The following NRDC variants were observed in gnomAD, a reference collection of about 807,000 sequenced individuals.
NRDC encodes the protein nardilysin.
Under a neutral mutation model 147.1 loss-of-function variants are expected in NRDC, and 54 were observed. That is an observed-to-expected ratio of 0.37 (90% CI 0.29 to 0.46). NRDC has a LOEUF of 0.46. NRDC is among the 20% of genes least tolerant of loss of function. The pLI is 1.00. For missense variants in NRDC, 1,082 were observed against 1,370.6 expected, an observed-to-expected ratio of 0.79 and a Z score of 3.33; for synonymous variants, 440 against 482.1, an observed-to-expected ratio of 0.91 and a Z score of 1.14.
At chr1:51,860,068 C>A in intron 1 of NRDC, 1 of 186,236 alleles carries the variant, frequency 5.4e-6, no homozygotes, top group South Asian at 1.1e-4. Flanking sequence ...ATAGTGGTGT[C>A]CAATTATATT....
intron 1 of NRDC, among the ~76,000 whole-genome samples, chr1:51,849,682 G>GGT (rs1353155409): frequency 7.5e-4 from 113 of 151,028 alleles, no homozygotes; most frequent in African/African-American, 2.7e-3. Context: ...CGGGCATGGT[G>GGT]GCTGGCACCT....
chr1:51,833,946 A>G, intron 4 of NRDC, 71 bp downstream of exon 4: 1 of 1,353,328 alleles, frequency 7.4e-7, no homozygotes. Context: ...TCTACTGTAC[A>G]AGAACACTCT....
chr1:51,809,225 T>C, intron 17 of NRDC, 90 bp downstream of exon 17: 1 of 844,952 alleles, frequency 1.2e-6, no homozygotes, highest in Non-Finnish European at 2.0e-6. Context: ...CAAATATAAA[T>C]TCCTACGATA....
intron 1 of NRDC, among the ~76,000 whole-genome samples, chr1:51,842,195 A>T (rs1681300468): frequency 6.6e-6 from 1 of 151,972 alleles, no homozygotes; most frequent in African/African-American, 2.4e-5. Flanking sequence ...TAAATAATAA[A>T]AAATAATCAC....
At chr1:51,877,146 C>CACTGCACTCCAG (rs1557946117) in intron 1 of NRDC, among the ~76,000 whole-genome samples, 1 of 151,488 alleles carries the variant, frequency 6.6e-6, no homozygotes, top group Non-Finnish European at 1.5e-5. Flanking sequence ...CAAGATCGCG[C>CACTGCACTCCAG]CACTGCACTC....
At chr1:51,815,174 C>G (rs1342384816) in intron 11 of NRDC, among the ~76,000 whole-genome samples, 3 of 141,666 alleles carry the variant, frequency 2.1e-5, no homozygotes, top group African/African-American at 8.0e-5. Flanking sequence ...TTTTGCTTAC[C>G]TTTTTTTCTT....
intron 7 of NRDC, among the ~76,000 whole-genome samples, chr1:51,822,053 A>G (rs1434790904): frequency 6.6e-6 from 1 of 151,946 alleles, no homozygotes; most frequent in Non-Finnish European, 1.5e-5. Context: ...ATATATATAT[A>G]TATCATACAT....
intron 27 of NRDC, 31 bp downstream of exon 27, chr1:51,791,547 G>T: frequency 1.3e-6 from 2 of 1,537,592 alleles, no homozygotes; most frequent in African/African-American, 1.4e-5. Flanking sequence ...TCCATAATAG[G>T]TTACACTCAT....
intron 1 of NRDC, among the ~76,000 whole-genome samples, chr1:51,874,222 A>G (rs1683220348): frequency 6.6e-6 from 1 of 151,510 alleles, no homozygotes; most frequent in Non-Finnish European, 1.5e-5. Context: ...TCTTTTTACG[A>G]GCAGGTTAAA....
rs529660087 is a variant in NRDC at position 51,841,597 on chromosome 1, G to A, written c.342-1083C>T. Among the ~76,000 whole-genome samples, 12 of 152,272 alleles carry A rather than the reference G, an allele frequency of 7.9e-5. No homozygotes were observed. In the South Asian group the frequency reaches 1.2e-3, roughly 16 times the overall value. ...GCTGGGACTACAGGCATAAGCCATC[G>A]CATTCAGCCCCATTTATACTAATTT... On this transcript the variant is annotated intron_variant, in intron 1 of 30. Coordinates refer to ENST00000352171, the MANE Select transcript of NRDC (RefSeq NM_001101662.2).
chr1:51,845,175 TA>T (rs1441385785), intron 1 of NRDC, among the ~76,000 whole-genome samples: 1 of 152,220 alleles, frequency 6.6e-6, no homozygotes, highest in Non-Finnish European at 1.5e-5. Context: ...TGTTGTTTCC[TA>T]AACACTGCCA....
At chr1:51,827,670 CAT>C (rs1680505910) in intron 5 of NRDC, 124 bp downstream of exon 5, 2 of 674,996 alleles carry the variant, frequency 3.0e-6, no homozygotes, top group Non-Finnish European at 5.2e-6. Flanking sequence ...AAACATAACA[CAT>C]ATTTCAATTT....
intron 20 of NRDC, chr1:51,801,341 C>T (rs896566888): frequency 2.0e-5 from 3 of 152,080 alleles, no homozygotes; most frequent in Non-Finnish European, 2.9e-5. Flanking sequence ...GACAGAGCCT[C>T]GCTATATCGC....
At chr1:51,838,881 TC>T (rs528333475) in intron 2 of NRDC, among the ~76,000 whole-genome samples, 2 of 151,936 alleles carry the variant, frequency 1.3e-5, no homozygotes, top group South Asian at 2.1e-4. Context: ...TACCTTTTTT[TC>T]CCCCAGTGTT....
At chr1:51,850,417 A>AT (rs1219429198) in intron 1 of NRDC, among the ~76,000 whole-genome samples, 1 of 140,530 alleles carries the variant, frequency 7.1e-6, no homozygotes, top group African/African-American at 2.5e-5. Flanking sequence ...CCTTCAACAT[A>AT]TATAAATTCC....
chr1:51,816,053 A>C, intron 11 of NRDC: 1 of 200,186 alleles, frequency 5.0e-6, no homozygotes. Context: ...TCTGGAATCT[A>C]TTAATTTCAT....
intron 4 of NRDC, among the ~76,000 whole-genome samples, chr1:51,828,238 G>A (rs1680532466): frequency 6.6e-6 from 1 of 152,080 alleles, no homozygotes; most frequent in South Asian, 2.1e-4. Flanking sequence ...TTTCTTTATA[G>A]TTTTATTACC....
intron 17 of NRDC, among the ~76,000 whole-genome samples, chr1:51,807,577 C>T (rs973768314): frequency 1.6e-4 from 24 of 152,006 alleles, no homozygotes; most frequent in Admixed American, 1.2e-3. Context: ...CATTGTGGTG[C>T]GCACCTGTAA....
At chr1:51,811,890 T>C (rs1679736737) in intron 15 of NRDC, 104 bp downstream of exon 15, 1 of 657,854 alleles carries the variant, frequency 1.5e-6, no homozygotes, top group Non-Finnish European at 2.6e-6. Context: ...CCTGACTAAA[T>C]ATAACTAAGT....
Sources: allele counts gnomAD v4.1 joint callset (sites outside exome capture counted in the v4.1 genomes callset), GRCh38; gene constraint gnomAD v4.1.1; transcripts MANE v1.5; gene names NCBI Gene and HGNC (gene_info 2026-07-23, HGNC 2026-07-21).